STPG2: variants seen among roughly 807,000 people sequenced by gnomAD.
STPG2 encodes the protein sperm-tail PG-rich repeat-containing protein 2.
Under a neutral mutation model 54.2 loss-of-function variants are expected in STPG2, and 56 were observed. The observed-to-expected ratio is 1.03, with a 90% CI of 0.83 to 1.29. The LOEUF (loss-of-function observed/expected upper bound fraction) is 1.29. Ranked by LOEUF, STPG2 falls within the 50% of genes most tolerant of loss-of-function variation. The probability of loss-of-function intolerance (pLI) is 0.00; values close to 1 mark genes in which losing one functional copy is unlikely to be tolerated. For synonymous variants in STPG2, 200 were observed against 181.8 expected (o/e 1.10, Z -0.81); for missense variants, 596 against 544.9 (o/e 1.09, Z -0.93).
intron 8 of STPG2, among the ~76,000 whole-genome samples, chr4:97,939,182 G>T (rs946857250): frequency 7.2e-5 from 11 of 152,040 alleles, no homozygotes; most frequent in Admixed American, 7.2e-4. Flanking sequence ...GATGCGTTTG[G>T]TATGATTTCA....
chr4:98,011,972 A>G (rs964350992), intron 5 of STPG2, among the ~76,000 whole-genome samples: 2 of 151,964 alleles, frequency 1.3e-5, no homozygotes, highest in African/African-American at 4.8e-5. Flanking sequence ...AATAGATCCC[A>G]TTTGTCCGGC....
intron 4 of STPG2, among the ~76,000 whole-genome samples, chr4:97,519,182 A>C (rs1731133251): frequency 6.6e-6 from 1 of 152,134 alleles, no homozygotes; most frequent in Admixed American, 6.6e-5. Context: ...AGCTGAGCAT[A>C]GAAGAGATAG....
intron 9 of STPG2, 139 bp from the exon 10 acceptor site, chr4:97,712,953 A>T: frequency 4.0e-6 from 2 of 497,246 alleles, no homozygotes; most frequent in Non-Finnish European, 7.0e-6. Context: ...TTGAATGCTT[A>T]AAATCATTTG....
chr4:97,762,760 G>A (rs991588409), intron 9 of STPG2, among the ~76,000 whole-genome samples: 1 of 152,060 alleles, frequency 6.6e-6, no homozygotes, highest in African/African-American at 2.4e-5. Flanking sequence ...TTGATTTCTT[G>A]TGAAATATTT....
chr4:97,730,748 T>TC (rs1368573394), intron 9 of STPG2, among the ~76,000 whole-genome samples: 3 of 152,212 alleles, frequency 2.0e-5, no homozygotes, highest in Non-Finnish European at 4.4e-5. Flanking sequence ...CTGGATTGAT[T>TC]CAAAGAATCA....
chr4:98,071,086 C>CAA (rs11423018), intron 5 of STPG2, among the ~76,000 whole-genome samples: 2 of 151,032 alleles, frequency 1.3e-5, no homozygotes, highest in African/African-American at 2.4e-5. Context: ...CATATGGAAC[C>CAA]AAAAAAAAGC....
rs1419762381 is a variant in STPG2 at position 97,841,070 on chromosome 4, C to T, written c.1045-138G>A. 5.7e-6 allele frequency: 5 copies of T among 875,580 alleles called. No homozygotes were observed. The African/African-American group carries it at 8.9e-5, about 16-fold the overall frequency. The allele number at this position is 875,580 out of a possible 1,614,324, so 54.2% of individuals were successfully genotyped here. ...ATTAATTAAACATTAAAAATAGAAACTTAAAAAGGAATTCTTAAATCTAGC... is the reference window on the plus strand; with the variant it reads ...ATTAATTAAACATTAAAAATAGAAATTTAAAAAGGAATTCTTAAATCTAGC... On this transcript the variant is annotated intron_variant, in intron 8 of 10. Coordinates refer to ENST00000295268, the MANE Select transcript of STPG2 (RefSeq NM_174952.3).
At position 97,920,864 on chromosome 4, in the gene STPG2, A is replaced by G. The variant is rs185083465; in HGVS notation, c.1044+23033T>C. 6.6e-5 allele frequency among the ~76,000 whole-genome samples: 10 copies of G among 151,884 alleles called. No homozygotes were observed. In the East Asian group the frequency reaches 1.6e-3, roughly 24 times the overall value. On this transcript the variant is annotated intron_variant, in intron 8 of 10. Coordinates refer to ENST00000295268, the MANE Select transcript of STPG2 (RefSeq NM_174952.3). ...CTTTCCTCTTATCCCTCCTTTTTTTATTTTCTAAAAGTCTTACAAGAAATT... is the reference window on the plus strand; with the variant it reads ...CTTTCCTCTTATCCCTCCTTTTTTTGTTTTCTAAAAGTCTTACAAGAAATT...
intron 4 of STPG2, among the ~76,000 whole-genome samples, chr4:97,526,600 A>C (rs920801071): frequency 4.6e-5 from 7 of 152,062 alleles, no homozygotes; most frequent in Non-Finnish European, 7.4e-5. Context: ...GTAGAGTGCA[A>C]AAATTTTCTC....
intron 5 of STPG2, chr4:98,025,802 G>T (rs1348514511): frequency 1.3e-6 from 2 of 1,582,432 alleles, no homozygotes; most frequent in African/African-American, 1.3e-5. Context: ...TGGTCCGCCG[G>T]GTGCCTTTAC....
At chr4:97,661,356 G>A (rs556893235) in intron 10 of STPG2, among the ~76,000 whole-genome samples, 1 of 152,252 alleles carries the variant, frequency 6.6e-6, no homozygotes, top group African/African-American at 2.4e-5. Context: ...TCAATAAAAT[G>A]AGGATCCCAG....
chr4:97,853,179 C>T (rs545252391), intron 8 of STPG2, among the ~76,000 whole-genome samples: 40 of 151,724 alleles, frequency 2.6e-4, no homozygotes, highest in African/African-American at 8.7e-4. Context: ...GGGGTTTCAC[C>T]GTGGTCTAGA....
chr4:97,663,849 A>C (rs1477369497), intron 10 of STPG2, among the ~76,000 whole-genome samples: 1 of 152,192 alleles, frequency 6.6e-6, no homozygotes, highest in Non-Finnish European at 1.5e-5. Context: ...ATGAATTTGT[A>C]ATCTTAAAAT....
At chr4:98,082,299 G>T (rs1738370003) in intron 5 of STPG2, among the ~76,000 whole-genome samples, 1 of 151,898 alleles carries the variant, frequency 6.6e-6, no homozygotes, top group South Asian at 2.1e-4. Context: ...TCAAGACCTT[G>T]TTTATTTTAA....
At chr4:97,646,341 T>G (rs565802119) in intron 10 of STPG2, among the ~76,000 whole-genome samples, 1 of 152,174 alleles carries the variant, frequency 6.6e-6, no homozygotes, top group Non-Finnish European at 1.5e-5. Flanking sequence ...CTTCTCATTA[T>G]CAGTCTTATT....
intron 8 of STPG2, among the ~76,000 whole-genome samples, chr4:97,942,171 C>CAT (rs1733012714): frequency 7.8e-6 from 1 of 128,614 alleles, no homozygotes; most frequent in African/African-American, 2.9e-5. Flanking sequence ...CGTATCTATA[C>CAT]ATATATATAC....
chr4:97,990,768 T>C (rs1169846663), intron 5 of STPG2, among the ~76,000 whole-genome samples: 3 of 152,200 alleles, frequency 2.0e-5, no homozygotes, highest in Non-Finnish European at 4.4e-5. Flanking sequence ...TTTTCATCTG[T>C]AACCTAACAA....
chr4:97,457,772 TGGA>T (rs1038400075), intron 4 of STPG2, among the ~76,000 whole-genome samples: 4 of 152,240 alleles, frequency 2.6e-5, no homozygotes, highest in African/African-American at 9.6e-5. Flanking sequence ...AGCTTGGGTT[TGGA>T]AAAGACTAAA....
chr4:97,634,682 A>G (rs1218275941), intron 10 of STPG2, among the ~76,000 whole-genome samples: 4 of 152,062 alleles, frequency 2.6e-5, no homozygotes, highest in Admixed American at 2.0e-4. Context: ...CTCGAGAACT[A>G]GGTGAAGAAT....
Sources: gnomAD v4.1 joint callset for allele counts (sites outside exome capture counted in the v4.1 genomes callset) on GRCh38, gnomAD v4.1.1 for gene constraint, MANE v1.5 for transcripts, NCBI Gene and HGNC (gene_info 2026-07-23, HGNC 2026-07-21) for gene names.